Variants in TRIP11 observed in about 807,000 individuals in gnomAD.
The protein encoded by TRIP11 is thyroid hormone receptor interactor 11.
In TRIP11, 148 loss-of-function variants were observed where a neutral mutation model predicts 223.1. That is an observed-to-expected ratio of 0.66 (90% CI 0.58 to 0.76). The LOEUF (loss-of-function observed/expected upper bound fraction) is 0.76. TRIP11 is among the 30% of genes least tolerant of loss of function. The pLI, the probability that TRIP11 is intolerant of heterozygous loss-of-function variation, is 0.00. For synonymous variants in TRIP11, 762 were observed against 772.6 expected, an observed-to-expected ratio of 0.99 and a Z score of 0.23; for missense variants, 2,043 against 2,222.0, an observed-to-expected ratio of 0.92 and a Z score of 1.62.
rs2056738051 is a variant in TRIP11, at chr14:91,995,469, C to T, written c.4939G>A (p.Val1647Ile). ...QVESLQEQLNVVSKQRDETAL... is the reference protein window; with the variant it reads ...QVESLQEQLNIVSKQRDETAL... ...GTTTCATCCCTTTGCTTGGAAACTA[C>T]ATTCAACTGTTCTTGCAATGACTCT... is the stretch of plus-strand genomic sequence containing the variant. The change falls in exon 14 of 21, where the codon GTA becomes ATA. Residue 1647 changes from valine to isoleucine, a missense_variant. Val to Ile is a conservative substitution (Grantham distance 29). Transcript: ENST00000267622. 1 of 1,614,152 alleles carries T rather than the reference C, an allele frequency of 6.2e-7. No individual in the cohort carries two copies.
chr14:92,004,540 T>A lies in TRIP11; in HGVS notation c.3436A>T (p.Arg1146Ter). 1 of 1,613,400 alleles carries A rather than the reference T, an allele frequency of 6.2e-7. No individual in the cohort carries two copies. The highest frequency in any genetic ancestry group is 8.5e-7 in the Non-Finnish European group (1 of 1,179,918). ...ATATCTTGGCCACTACTTTCAAATCTAGTGGACAATTTTTTATTTTCATCT... is the reference window on the plus strand; with the variant it reads ...ATATCTTGGCCACTACTTTCAAATCAAGTGGACAATTTTTTATTTTCATCT... ...LQDENKKLST[R>*]FESSGQDMFR... Residue 1146 changes from arginine to a stop codon, truncating the protein, a stop_gained, in exon 11 of 21, where the codon AGA (arginine) becomes TGA (stop). Transcript: ENST00000267622. LOFTEE classifies it high-confidence loss of function.
Position 91,969,710 on chromosome 14 carries a change from C to T in TRIP11, c.5903G>A (p.Ser1968Asn), listed in dbSNP as rs761029164. The T allele has an allele frequency of 3.7e-6, 6 of 1,612,962 alleles. No individual in the cohort carries two copies. Among genetic ancestry groups the T allele is most frequent in the South Asian group, 2.2e-5 (2 of 91,022 alleles). The change falls in exon 21 of 21, where the codon AGT (serine) becomes AAT (asparagine). Residue 1968 changes from serine to asparagine, a missense_variant. By Grantham distance (46) the Ser-to-Asn change is conservative (BLOSUM62 1). Coordinates refer to ENST00000267622, the MANE Select transcript of TRIP11 (RefSeq NM_004239.4). ...AAGGTCTTTCAGCACAACCCCAGCA[C>T]TGTTGTCAGGTAACGCTGGCAAAGG... ...FTPLPALPDN[S>N]AGVVLKDLLK...
In TRIP11 at chr14:92,005,117, T is replaced by C. The variant is rs775899818; in HGVS notation, c.2859A>G (p.Thr953=). ...FRYQHEQMNA[T]HTQLFLEKDE... ...CCTTCTCTAAAAAGAGCTGGGTGTG[T>C]GTGGCGTTCATTTGCTCATGCTGGT... The change falls in exon 11 of 21, where the codon ACA becomes ACG. Residue 953 remains threonine, a synonymous_variant. Transcript: ENST00000267622. 1.2e-5 allele frequency: 20 copies of C among 1,613,546 alleles called. No individual in the cohort carries two copies. In the South Asian group the frequency reaches 2.1e-4, roughly 17 times the overall value.
intron 1 of TRIP11, among the ~76,000 whole-genome samples, chr14:92,038,262 T>C (rs561271332): frequency 1.3e-5 from 2 of 152,128 alleles, no homozygotes; most frequent in Non-Finnish European, 2.9e-5. Context: ...GGTTGAGGGA[T>C]GCATATTCTC....
chr14:91,989,308 G>A (rs747684243), intron 15 of TRIP11, among the ~76,000 whole-genome samples: 3 of 152,004 alleles, frequency 2.0e-5, no homozygotes, highest in Non-Finnish European at 4.4e-5. Context: ...TTTTGTTTAT[G>A]ATGTAAGGTG....
At chr14:92,028,698 A>G (rs1006451299) in intron 2 of TRIP11, among the ~76,000 whole-genome samples, 4 of 152,200 alleles carry the variant, frequency 2.6e-5, no homozygotes, top group Non-Finnish European at 4.4e-5. Flanking sequence ...GAAAGGAGAA[A>G]AGAATAAATG....
In TRIP11 at chr14:92,004,565, T is replaced by C. The variant is rs971650655; in HGVS notation, c.3411A>G (p.Gln1137=). The C allele has an allele frequency of 8.7e-6, 14 of 1,613,668 alleles. No individual in the cohort carries two copies. The highest frequency in any genetic ancestry group is 1.0e-5 in the Non-Finnish European group (12 of 1,179,936). The change falls in exon 11 of 21, where the codon CAA becomes CAG. Residue 1137 remains glutamine (Q), a synonymous_variant. Transcript: ENST00000267622. The part of the protein sequence containing the change: ...AAKEAALIKL[Q]DENKKLSTRF... ...TAGTGGACAATTTTTTATTTTCATC[T>C]TGCAGTTTGATAAGAGCTGCTTCCT...
At chr14:91,983,979 C>T (rs147717511) in intron 16 of TRIP11, among the ~76,000 whole-genome samples, 41 of 152,246 alleles carry the variant, frequency 2.7e-4, no homozygotes, top group Middle Eastern at 6.8e-3. Flanking sequence ...CTTCATATTA[C>T]AGTAAGTTTT....
At chr14:91,981,103 C>G (rs898463510) in intron 16 of TRIP11, among the ~76,000 whole-genome samples, 1 of 146,302 alleles carries the variant, frequency 6.8e-6, no homozygotes, top group Non-Finnish European at 1.5e-5. Flanking sequence ...GCAACCTCCA[C>G]CTCCCAGGTT....
intron 16 of TRIP11, among the ~76,000 whole-genome samples, chr14:91,984,302 CA>C (rs760635926): frequency 6.8e-6 from 1 of 147,360 alleles, no homozygotes; most frequent in Non-Finnish European, 1.5e-5. Context: ...TTTATCCAAT[CA>C]TTTTTTTTCT....
At chr14:91,983,799 T>C (rs771018136) in intron 16 of TRIP11, among the ~76,000 whole-genome samples, 23 of 152,324 alleles carry the variant, frequency 1.5e-4, no homozygotes, top group South Asian at 6.2e-4. Context: ...GGGAATGTAT[T>C]TGGCCTGTGT....
chr14:91,972,760 T>G lies in TRIP11; in HGVS notation c.5676A>C (p.Pro1892=). 6.2e-7 allele frequency: 1 copy of G among 1,612,830 alleles called. No individual in the cohort carries two copies. Among genetic ancestry groups the G allele is most frequent in the Non-Finnish European group, 8.5e-7 (1 of 1,179,530 alleles). ...SVHDMKPLDS[P]GRRKRDTNAP... is the part of the protein sequence containing the mutation. ...CATTTGTATCTCTTTTTCTTCTTCC[T>G]GGTGAATCCAGAGGTTTCATATCAT... Residue 1892 remains proline, a synonymous_variant, in exon 20 of 21, where the codon CCA becomes CCC. Coordinates refer to ENST00000267622, the MANE Select transcript of TRIP11 (RefSeq NM_004239.4).
Position 92,015,686 on chromosome 14 carries a change from A to G in TRIP11, c.823+10T>C. The G allele has an allele frequency of 1.3e-6, 2 of 1,594,504 alleles. No homozygotes were observed. The highest frequency in any genetic ancestry group is 2.3e-5 in the South Asian group (2 of 88,470). On this transcript the variant is annotated intron_variant, in intron 6 of 20. Transcript: ENST00000267622. ...AAAAATAATAATAATAAAGAAATAA[A>G]ACTAATAACCTTGTTGTAACAGATT...
intron 1 of TRIP11, among the ~76,000 whole-genome samples, chr14:92,036,578 T>A (rs549260859): frequency 5.3e-5 from 8 of 152,342 alleles, no homozygotes; most frequent in Non-Finnish European, 1.2e-4. Flanking sequence ...AAATCAGTAG[T>A]GTTAGGTAAA....
intron 2 of TRIP11, 65 bp downstream of exon 2, chr14:92,033,127 T>C: frequency 4.1e-6 from 5 of 1,205,170 alleles, no homozygotes; most frequent in Non-Finnish European, 4.9e-6. Flanking sequence ...AGGATCAAAG[T>C]AATGTTTGAG....
At chr14:92,017,813 AAACT>A in intron 4 of TRIP11, 63 bp from the exon 5 acceptor site, 1 of 1,386,066 alleles carries the variant, frequency 7.2e-7, no homozygotes, top group Non-Finnish European at 1.0e-6. Context: ...AGAAAGTCAC[AAACT>A]AACTTCATTA....
At chr14:92,009,277 T>C (rs2056942612) in intron 9 of TRIP11, among the ~76,000 whole-genome samples, 1 of 152,166 alleles carries the variant, frequency 6.6e-6, no homozygotes, top group Non-Finnish European at 1.5e-5. Flanking sequence ...TGAGCAATCA[T>C]CCCACCTTGG....
intron 13 of TRIP11, among the ~76,000 whole-genome samples, chr14:91,996,217 T>C (rs1471422826): frequency 6.6e-6 from 1 of 152,216 alleles, no homozygotes; most frequent in Admixed American, 6.5e-5. Flanking sequence ...TTTCCTACAC[T>C]TTATTGCATT....
Position 92,025,294 on chromosome 14 carries a change from C to A in TRIP11, c.312+16G>T. The A allele has an allele frequency of 1.3e-6, 2 of 1,563,632 alleles. No homozygotes were observed. The highest frequency in any genetic ancestry group is 1.1e-5 in the South Asian group (1 of 90,066). ...TTACAGTGAAGTACATATGAAGTAA[C>A]TGTGATAACATTTACCTCTTTTTGT... On this transcript the variant is annotated intron_variant, in intron 3 of 20. Transcript: ENST00000267622.
Sources: gnomAD v4.1 joint callset for allele counts (sites outside exome capture counted in the v4.1 genomes callset) on GRCh38, gnomAD v4.1.1 for gene constraint, MANE v1.5 for transcripts, NCBI Gene and HGNC (gene_info 2026-07-23, HGNC 2026-07-21) for gene names.